RBFOX1: variants seen among roughly 807,000 people sequenced by gnomAD.
RBFOX1 encodes the protein RNA binding fox-1 homolog 1.
Under a neutral mutation model 57.7 loss-of-function variants are expected in RBFOX1, and 8 were observed. The observed-to-expected ratio is 0.14, with a 90% CI of 0.08 to 0.25. RBFOX1 has a LOEUF of 0.25. RBFOX1 is among the 10% of genes least tolerant of loss of function. The pLI, the probability that RBFOX1 is intolerant of heterozygous loss-of-function variation, is 1.00. For synonymous variants in RBFOX1, 326 were observed against 222.4 expected (o/e 1.47, Z -4.15); for missense variants, 611 against 548.5 (o/e 1.11, Z -1.14).
At chr16:5,758,059 G>A (rs137932305) in intron 3 of RBFOX1, among the ~76,000 whole-genome samples, 4 of 152,246 alleles carry the variant, frequency 2.6e-5, no homozygotes, top group East Asian at 1.9e-4. Context: ...GAAGCCTGAC[G>A]GGACCCAAGT....
chr16:7,486,906 T>C (rs1401378522), intron 4 of RBFOX1, among the ~76,000 whole-genome samples: 2 of 152,132 alleles, frequency 1.3e-5, no homozygotes, highest in East Asian at 3.9e-4. Flanking sequence ...AGGCATTTGT[T>C]TTTGTCTTTT....
chr16:6,179,798 G>A (rs576057321), intron 1 of RBFOX1, among the ~76,000 whole-genome samples: 12 of 152,204 alleles, frequency 7.9e-5, no homozygotes, highest in Middle Eastern at 3.2e-3. Context: ...TAGTTTCTGT[G>A]GGTTGAGAAT....
intron 3 of RBFOX1, among the ~76,000 whole-genome samples, chr16:6,739,770 G>T (rs148290603): frequency 6.6e-6 from 1 of 151,962 alleles, no homozygotes; most frequent in African/African-American, 2.4e-5. Flanking sequence ...TCGGCTCCTC[G>T]GGAGGCTGAG....
At chr16:6,099,327 C>G (rs1352030075) in intron 1 of RBFOX1, among the ~76,000 whole-genome samples, 4 of 152,158 alleles carry the variant, frequency 2.6e-5, no homozygotes, top group Non-Finnish European at 4.4e-5. Flanking sequence ...AGTAAAGGGT[C>G]TATGAGAACA....
intron 3 of RBFOX1, among the ~76,000 whole-genome samples, chr16:5,769,968 G>T (rs1298157598): frequency 6.6e-6 from 1 of 152,214 alleles, no homozygotes; most frequent in African/African-American, 2.4e-5. Flanking sequence ...ATGTGCTAGA[G>T]ACTTGTACTC....
chr16:6,509,195 AG>A (rs1233944452), intron 2 of RBFOX1, among the ~76,000 whole-genome samples: 1 of 152,172 alleles, frequency 6.6e-6, no homozygotes, highest in African/African-American at 2.4e-5. Context: ...TATCTGGTAA[AG>A]GTATTTTTGG....
chr16:5,777,688 T>C (rs539022500), intron 3 of RBFOX1, among the ~76,000 whole-genome samples: 69 of 152,294 alleles, frequency 4.5e-4, no homozygotes, highest in African/African-American at 1.5e-3. Flanking sequence ...TTAATTAAGG[T>C]AGTGATGAAA....
chr16:7,583,733 C>A (rs1277835707), intron 6 of RBFOX1, among the ~76,000 whole-genome samples: 1 of 152,100 alleles, frequency 6.6e-6, no homozygotes, highest in Non-Finnish European at 1.5e-5. Context: ...GTAATCCCAG[C>A]ACTTTGGGAG....
intron 3 of RBFOX1, among the ~76,000 whole-genome samples, chr16:5,804,611 C>G (rs1156719637): frequency 6.6e-6 from 1 of 152,096 alleles, no homozygotes; most frequent in Admixed American, 6.5e-5. Context: ...CCTCTGTGTG[C>G]TGCATGACTG....
intron 4 of RBFOX1, among the ~76,000 whole-genome samples, chr16:7,255,092 G>T (rs1360779115): frequency 6.6e-6 from 1 of 152,050 alleles, no homozygotes; most frequent in Non-Finnish European, 1.5e-5. Flanking sequence ...CTGTTATTTA[G>T]GGAGTATCCC....
chr16:7,119,817 T>C (rs1223728807), intron 4 of RBFOX1, among the ~76,000 whole-genome samples: 1 of 152,094 alleles, frequency 6.6e-6, no homozygotes, highest in Non-Finnish European at 1.5e-5. Flanking sequence ...TTAACGAGGC[T>C]GTAGAAGTAC....
At chr16:6,664,584 C>A (rs777397494) in intron 3 of RBFOX1, among the ~76,000 whole-genome samples, 4 of 152,164 alleles carry the variant, frequency 2.6e-5, no homozygotes, top group Non-Finnish European at 5.9e-5. Flanking sequence ...CGAGAGACAG[C>A]TGCGCATGTA....
chr16:6,610,934 A>G (rs12600330), intron 2 of RBFOX1, among the ~76,000 whole-genome samples: 104,663 of 152,084 alleles, frequency 0.69, 36,746 homozygotes, highest in Admixed American at 0.75. Flanking sequence ...AGACCATAAA[A>G]TGTGGAAGAT....
At chr16:7,233,478 ACAG>A (rs1392366953) in intron 4 of RBFOX1, among the ~76,000 whole-genome samples, 2 of 152,212 alleles carry the variant, frequency 1.3e-5, no homozygotes, top group Non-Finnish European at 2.9e-5. Flanking sequence ...TACATGGTAG[ACAG>A]CAGGCCGTCG....
At chr16:6,193,783 G>T (rs1482692615) in intron 1 of RBFOX1, among the ~76,000 whole-genome samples, 12 of 151,934 alleles carry the variant, frequency 7.9e-5, no homozygotes, top group Admixed American at 7.9e-4. Flanking sequence ...TCCCCACTGG[G>T]TTTGTCACTG....
chr16:7,559,680 T>C (rs1031958840), intron 5 of RBFOX1, among the ~76,000 whole-genome samples: 7 of 152,216 alleles, frequency 4.6e-5, no homozygotes, highest in African/African-American at 1.7e-4. Context: ...TTTTCATGAC[T>C]TGTGTCTACT....
intron 4 of RBFOX1, among the ~76,000 whole-genome samples, chr16:5,999,678 G>A (rs1441461222): frequency 3.3e-5 from 5 of 151,846 alleles, no homozygotes; most frequent in Non-Finnish European, 7.4e-5. Flanking sequence ...TGGCTAACAC[G>A]GTGAAACCGT....
At chr16:7,592,805 T>C (rs189557574) in intron 7 of RBFOX1, among the ~76,000 whole-genome samples, 233 of 152,222 alleles carry the variant, frequency 1.5e-3, no homozygotes, top group Non-Finnish European at 2.6e-3. Flanking sequence ...AATATAAAAT[T>C]CTATTTATTA....
In RBFOX1 at chr16:7,021,908, C is replaced by G. The variant is rs930003522; in HGVS notation, c.-15-30149C>G. On this transcript the variant is annotated intron_variant, in intron 3 of 15. Coordinates refer to ENST00000550418, the MANE Select transcript of RBFOX1 (RefSeq NM_018723.4). Reference sequence around the variant, plus strand: ...CTTTCTTTCTTTCTTTTCTTTCTTTCTTTCTTTTCTTTCTTTCTTTATTTT... The same window carrying G: ...CTTTCTTTCTTTCTTTTCTTTCTTTGTTTCTTTTCTTTCTTTCTTTATTTT... Among the ~76,000 whole-genome samples the G allele has an allele frequency of 8.0e-5, 12 of 149,390 alleles. No individual in the cohort carries two copies. The East Asian group carries it at 2.4e-3, about 30-fold the overall frequency.
Sources: allele counts gnomAD v4.1 joint callset (sites outside exome capture counted in the v4.1 genomes callset), GRCh38; gene constraint gnomAD v4.1.1; transcripts MANE v1.5; gene names NCBI Gene and HGNC (gene_info 2026-07-23, HGNC 2026-07-21).